The following MYBBP1A variants were observed in gnomAD, a reference collection of about 807,000 sequenced individuals.
MYBBP1A encodes the protein MYB binding protein 1a, also known as myb-binding protein 1A.
Under a neutral mutation model 136.3 loss-of-function variants are expected in MYBBP1A, and 147 were observed. That is an observed-to-expected ratio of 1.08 (90% CI 0.94 to 1.24). MYBBP1A has a LOEUF of 1.24. MYBBP1A is among the 50% of genes most tolerant of loss of function. The pLI, the probability that MYBBP1A is intolerant of heterozygous loss-of-function variation, is 0.00. For synonymous variants in MYBBP1A, 947 were observed against 735.8 expected (o/e 1.29, Z -4.65); for missense variants, 2,060 against 1,727.4 (o/e 1.19, Z -3.41).
rs34516339 is a variant in MYBBP1A at position 4,548,710 on chromosome 17, T to TC, written c.1431-62dup. ...TGCCATTGGTTTTTACAGGCTCCCCTCCTTGGATGGTACCACCGAGGGTAC... is the reference window on the plus strand; with the variant it reads ...TGCCATTGGTTTTTACAGGCTCCCCTCCCTTGGATGGTACCACCGAGGGTAC... On this transcript the variant is annotated intron_variant, in intron 10 of 25. Transcript: ENST00000254718. The surrounding 1 kb of genome is among the most constrained non-coding windows in gnomAD (Gnocchi z 4.2). 4.1e-5 allele frequency: 66 copies of TC among 1,605,334 alleles called. No homozygotes were observed. The South Asian group carries it at 6.2e-4, about 15-fold the overall frequency.
chr17:4,550,486 C>T, intron 8 of MYBBP1A, 133 bp from the exon 9 acceptor site: 5 of 966,418 alleles, frequency 5.2e-6, no homozygotes, highest in Middle Eastern at 6.7e-4. Flanking sequence ...AACAGCCCAC[C>T]AGGCTTGTGC....
At chr17:4,553,145 T>A (rs1480294891) in intron 5 of MYBBP1A, among the ~76,000 whole-genome samples, 1 of 152,190 alleles carries the variant, frequency 6.6e-6, no homozygotes, top group Non-Finnish European at 1.5e-5. Flanking sequence ...TAATTATTCC[T>A]TTTTTTGGTA....
chr17:4,539,110 C>T lies in MYBBP1A; in HGVS notation c.*305G>A. 1.3e-6 allele frequency: 2 copies of T among 1,513,906 alleles called. No individual in the cohort carries two copies. The highest frequency in any genetic ancestry group is 4.1e-5 in the Admixed American group (2 of 48,348). The allele number at this position is 1,513,906 out of a possible 1,614,324, so 93.8% of individuals were successfully genotyped here. ...CAGGCACGAGAGATGGTCACACCTG[C>T]CTGCAGCCAGCACATCAACCTGCAC... On this transcript the variant is annotated 3_prime_UTR_variant, in exon 26 of 26. Coordinates refer to ENST00000254718, the MANE Select transcript of MYBBP1A (RefSeq NM_014520.4).
chr17:4,554,372 T>C (rs1376611264), intron 2 of MYBBP1A, 94 bp from the exon 3 acceptor site: 2 of 1,103,524 alleles, frequency 1.8e-6, no homozygotes, highest in East Asian at 4.8e-5. Context: ...CTTCAACTTC[T>C]CCCAAGAAGC....
intron 5 of MYBBP1A, among the ~76,000 whole-genome samples, chr17:4,553,588 A>G (rs1907730384): frequency 6.6e-6 from 1 of 152,260 alleles, no homozygotes; most frequent in African/African-American, 2.4e-5. Flanking sequence ...ACCAATGCAC[A>G]CTGAAATAAT....
chr17:4,544,234 T>C (rs1262717445), intron 19 of MYBBP1A, among the ~76,000 whole-genome samples: 2 of 140,936 alleles, frequency 1.4e-5, no homozygotes, highest in Non-Finnish European at 3.0e-5. Flanking sequence ...CACTTGAGAC[T>C]GTCAAGGGCA....
Position 4,542,450 on chromosome 17 carries a change from G to A in MYBBP1A, c.3087+14C>T, listed in dbSNP as rs371689837. The A allele has an allele frequency of 1.0e-5, 16 of 1,600,296 alleles. No homozygotes were observed. The highest frequency in any genetic ancestry group is 1.2e-5 in the Non-Finnish European group (14 of 1,171,954). On this transcript the variant is annotated intron_variant, in intron 22 of 25. Transcript: ENST00000254718. ...TCAGACAGGCCCTGGGCTGGGAGCT[G>A]GGAAGTCTCTCACCTGATGACGGGG...
Position 4,539,344 on chromosome 17 carries a change from T to TTAAAAAA in MYBBP1A, c.*70_*71insTTTTTTA, listed in dbSNP as rs1175919027. 2 of 1,402,366 alleles carry TTAAAAAA rather than the reference T, an allele frequency of 1.4e-6. No individual in the cohort carries two copies. Among genetic ancestry groups the TTAAAAAA allele is most frequent in the East Asian group, 2.5e-5 (1 of 40,658 alleles). 86.9% of individuals were successfully genotyped at this position (1,402,366 alleles called of 1,614,324 possible). A position where few individuals can be genotyped will look rare whatever the true frequency, so the allele number is the denominator to read the frequency against. On this transcript the variant is annotated 3_prime_UTR_variant, in exon 26 of 26. Coordinates refer to ENST00000254718, the MANE Select transcript of MYBBP1A (RefSeq NM_014520.4). ...CAGCTTGCGTATTAAAATCATGGTTTAAAAAAAAAAAAAAAAAATAGGCGT... is the reference window on the plus strand; with the variant it reads ...CAGCTTGCGTATTAAAATCATGGTTTTAAAAAAAAAAAAAAAAAAAAAAAATAGGCGT...
At chr17:4,547,167 G>A (rs1230197579) in intron 13 of MYBBP1A, among the ~76,000 whole-genome samples, 3 of 152,160 alleles carry the variant, frequency 2.0e-5, no homozygotes, top group East Asian at 3.9e-4. Flanking sequence ...CTTGGTCTCC[G>A]GAAGTACTGG....
In MYBBP1A at chr17:4,545,282, C is replaced by T. The variant is rs758603657; in HGVS notation, c.2137G>A (p.Glu713Lys). 3.7e-6 allele frequency: 6 copies of T among 1,613,004 alleles called. No individual in the cohort carries two copies. The highest frequency in any genetic ancestry group is 2.7e-5 in the African/African-American group (2 of 74,772). The stretch of plus-strand genomic sequence containing the variant: ...ACCTCTGCACCCTTCAGCCGCCGCT[C>T]ATCAGAATCGTCCGTCACCACCACA... ...DRVVVTDDSD[E>K]RRLKGAEDKS... The change falls in exon 16 of 26, where the codon GAG (glutamate) becomes AAG (lysine). Residue 713 changes from glutamate (E) to lysine (K), a missense_variant. By Grantham distance (56) the Glu-to-Lys change is moderately conservative. Transcript: ENST00000254718.
rs142516403 is a variant in MYBBP1A at position 4,543,316 on chromosome 17, G to A, written c.2640-151C>T. 1,486 of 1,070,606 alleles carry A rather than the reference G, an allele frequency of 1.4e-3. 16 individuals carry two copies. The East Asian group carries it at 0.028, about 20-fold the overall frequency. The allele number at this position is 1,070,606 out of a possible 1,614,324, so 66.3% of individuals were successfully genotyped here. Reference sequence around the variant, plus strand: ...AGGCCACAGAGGAGGGCCCAGGGCCGCCTGCAGGCTGCCTGGAAGCTGTGT... The same window carrying A: ...AGGCCACAGAGGAGGGCCCAGGGCCACCTGCAGGCTGCCTGGAAGCTGTGT... On this transcript the variant is annotated intron_variant, in intron 19 of 25. Coordinates refer to ENST00000254718, the MANE Select transcript of MYBBP1A (RefSeq NM_014520.4).
intron 19 of MYBBP1A, chr17:4,543,402 G>A (rs1369645095): frequency 1.8e-5 from 10 of 556,678 alleles, no homozygotes; most frequent in Middle Eastern, 4.7e-4. Context: ...CTCCCTGAGT[G>A]GAGGCTGCAC....
At chr17:4,545,382 C>T in intron 15 of MYBBP1A, 37 bp from the exon 16 acceptor site, 1 of 1,608,596 alleles carries the variant, frequency 6.2e-7, no homozygotes, top group Non-Finnish European at 8.5e-7. Flanking sequence ...CATTTGCAGC[C>T]CCCGCCCTCC....
Position 4,541,554 on chromosome 17 carries a change from A to G in MYBBP1A, c.3206T>C (p.Val1069Ala). The G allele has an allele frequency of 6.2e-7, 1 of 1,612,454 alleles. No individual in the cohort carries two copies. Among genetic ancestry groups the G allele is most frequent in the Non-Finnish European group, 8.5e-7 (1 of 1,180,008 alleles). ...VLAKVTENLR[V>A]LGEAQTKAQH... is the part of the protein sequence containing the mutation. ...CGCCTTGGTCTGCGCCTCCCCCAGC[A>G]CGCGCAAGTTCTAGGGAAGGGTGGC... Residue 1069 changes from valine to alanine, a missense_variant, in exon 24 of 26, where the codon GTG becomes GCG. Physicochemically the swap from Val to Ala is moderately conservative, Grantham distance 64. Coordinates refer to ENST00000254718, the MANE Select transcript of MYBBP1A (RefSeq NM_014520.4).
In MYBBP1A at chr17:4,541,569, G is replaced by A; in HGVS notation, c.3196-5C>T. 6.2e-7 allele frequency: 1 copy of A among 1,611,456 alleles called. No individual in the cohort carries two copies. Among genetic ancestry groups the A allele is most frequent in the Non-Finnish European group, 8.5e-7 (1 of 1,179,938 alleles). The stretch of plus-strand genomic sequence containing the variant: ...CTCCCCCAGCACGCGCAAGTTCTAG[G>A]GAAGGGTGGCCAGGCTGAGGCACTC... On this transcript the variant is annotated splice_polypyrimidine_tract_variant and splice_region_variant and intron_variant, in intron 23 of 25. Coordinates refer to ENST00000254718, the MANE Select transcript of MYBBP1A (RefSeq NM_014520.4).
rs1050583776 is a variant in MYBBP1A at position 4,548,754 on chromosome 17, A to C, written c.1431-105T>G. 1.1e-5 allele frequency: 16 copies of C among 1,495,378 alleles called. No individual in the cohort carries two copies. The highest frequency in any genetic ancestry group is 1.5e-5 in the Non-Finnish European group (16 of 1,099,082). 92.6% of individuals were successfully genotyped at this position (1,495,378 alleles called of 1,614,324 possible). Reference sequence around the variant, plus strand: ...AGGGTACAAGGCCAGGAGGAGGAGGAGCCGCCCTTCTGCCCTGGGTACAGT... The same window carrying C: ...AGGGTACAAGGCCAGGAGGAGGAGGCGCCGCCCTTCTGCCCTGGGTACAGT... On this transcript the variant is annotated intron_variant, in intron 10 of 25. Transcript: ENST00000254718. This position sits in a 1 kb window ranked among gnomAD's most constrained non-coding sequence, Gnocchi z 4.2.
intron 15 of MYBBP1A, 43 bp downstream of exon 15, chr17:4,545,567 G>C (rs755346609): frequency 7.1e-6 from 11 of 1,541,400 alleles, no homozygotes; most frequent in Non-Finnish European, 8.7e-6. Context: ...TCGCTGCTCA[G>C]TGAGCCCCAG....
Position 4,555,169 on chromosome 17 carries a change from C to T in MYBBP1A, c.156G>A (p.Ala52=), listed in dbSNP as rs756786253. ...IAKPEQETRL[A]ATEKLLEYLR... is the part of the protein sequence containing the mutation. ...GATACTCCAGCAGCTTCTCCGTGGC[C>T]GCAAGTCGCGTCTCCTGCTCAGGCT... Residue 52 remains alanine (A), a synonymous_variant, in exon 1 of 26, where the codon GCG becomes GCA. Coordinates refer to ENST00000254718, the MANE Select transcript of MYBBP1A (RefSeq NM_014520.4). 6 of 1,603,260 alleles carry T rather than the reference C, an allele frequency of 3.7e-6. No individual in the cohort carries two copies. The highest frequency in any genetic ancestry group is 5.1e-6 in the Non-Finnish European group (6 of 1,175,066).
chr17:4,554,753 T>G, intron 2 of MYBBP1A, 108 bp downstream of exon 2: 2 of 1,072,478 alleles, frequency 1.9e-6, no homozygotes, highest in South Asian at 2.9e-5. Flanking sequence ...ACTCCCGACC[T>G]CTCTCTCGGG....
Sources: gnomAD v4.1 joint callset for allele counts (sites outside exome capture counted in the v4.1 genomes callset) on GRCh38, gnomAD v4.1.1 for gene constraint, Gnocchi (gnomAD v3.1) non-coding constraint, MANE v1.5 for transcripts, NCBI Gene and HGNC (gene_info 2026-07-23, HGNC 2026-07-21) for gene names.